Variants in CFAP44 observed in about 807,000 individuals in gnomAD.
CFAP44 encodes cilia and flagella associated protein 44.
In CFAP44, 134 loss-of-function variants were observed where a neutral mutation model predicts 216.2. The observed-to-expected ratio is 0.62, with a 90% CI of 0.54 to 0.72. The LOEUF is 0.72. Among genes scored for constraint, CFAP44 ranks in the 30% least tolerant of loss-of-function variants. CFAP44 has a pLI of 0.00. For missense variants in CFAP44, 2,035 were observed against 2,182.1 expected (o/e 0.93, Z 1.34); for synonymous variants, 700 against 727.6 (o/e 0.96, Z 0.61).
At chr3:113,393,112 CTCAGATA>C (rs1425797213) in intron 15 of CFAP44, among the ~76,000 whole-genome samples, 1 of 152,186 alleles carries the variant, frequency 6.6e-6, no homozygotes, top group Non-Finnish European at 1.5e-5. Context: ...ATACGTTATG[CTCAGATA>C]TGAGATCTGA....
Position 113,409,291 on chromosome 3 carries a change from G to A in CFAP44, c.705C>T (p.Asp235=). Residue 235 remains aspartate (D), a synonymous_variant, in exon 7 of 35, where the codon GAC becomes GAT. Transcript: ENST00000393845. The part of the protein sequence containing the change: ...DGTEKGYAYV[D]FNYSGNLLAS... ...CCAGCAAGTTACCGCTGTAGTTAAA[G>A]TCCACATAAGCATATCCCTTCTCAG... is the stretch of plus-strand genomic sequence containing the variant. 1 of 1,614,116 alleles carries A rather than the reference G, an allele frequency of 6.2e-7. No homozygotes were observed. The highest frequency in any genetic ancestry group is 2.2e-5 in the East Asian group (1 of 44,880).
At chr3:113,440,489 G>A (rs1256967785) in intron 1 of CFAP44, among the ~76,000 whole-genome samples, 3 of 151,872 alleles carry the variant, frequency 2.0e-5, no homozygotes, top group Non-Finnish European at 4.4e-5. Flanking sequence ...TGATTTCCAA[G>A]TCCTGTTACT....
chr3:113,435,015 T>G (rs1014033935), intron 1 of CFAP44: 1 of 152,214 alleles, frequency 6.6e-6, no homozygotes, highest in African/African-American at 2.4e-5. Context: ...TCTTTTGATA[T>G]GGGGGATAAC....
At chr3:113,350,028 T>C (rs1008848116) in intron 22 of CFAP44, among the ~76,000 whole-genome samples, 5 of 152,146 alleles carry the variant, frequency 3.3e-5, no homozygotes, top group East Asian at 1.9e-4. Flanking sequence ...CCATTAAATA[T>C]CACAAGGAAA....
At chr3:113,321,366 AT>A (rs1007069607) in intron 28 of CFAP44, among the ~76,000 whole-genome samples, 10 of 152,236 alleles carry the variant, frequency 6.6e-5, no homozygotes, top group African/African-American at 2.2e-4. Context: ...TTGAGGAAAC[AT>A]ACCTCAAAAT....
chr3:113,410,035 T>C (rs1402286562), intron 6 of CFAP44, among the ~76,000 whole-genome samples: 1 of 152,232 alleles, frequency 6.6e-6, no homozygotes. Context: ...ATCGACTCCT[T>C]GTTTAGCATA....
intron 15 of CFAP44, 43 bp downstream of exon 15, chr3:113,395,707 A>G: frequency 6.7e-7 from 1 of 1,497,138 alleles, no homozygotes; most frequent in Non-Finnish European, 9.2e-7. Flanking sequence ...TTCACTATGT[A>G]GTAATTGAGA....
chr3:113,368,402 C>T (rs967274171), intron 18 of CFAP44, among the ~76,000 whole-genome samples: 1 of 152,206 alleles, frequency 6.6e-6, no homozygotes, highest in Non-Finnish European at 1.5e-5. Context: ...TCGGCAGAAA[C>T]CCTACAAGCC....
At chr3:113,420,996 G>A (rs1451676193) in intron 4 of CFAP44, among the ~76,000 whole-genome samples, 1 of 152,004 alleles carries the variant, frequency 6.6e-6, no homozygotes, top group African/African-American at 2.4e-5. Flanking sequence ...AAAATAGAGT[G>A]GGACCTAACT....
At chr3:113,353,273 C>T (rs770387539) in intron 22 of CFAP44, among the ~76,000 whole-genome samples, 8 of 152,142 alleles carry the variant, frequency 5.3e-5, no homozygotes, top group Non-Finnish European at 1.2e-4. Context: ...CTAAAAGAAT[C>T]AGGCATTCTG....
intron 15 of CFAP44, among the ~76,000 whole-genome samples, chr3:113,385,156 T>C (rs1933612824): frequency 6.6e-6 from 1 of 152,204 alleles, no homozygotes; most frequent in African/African-American, 2.4e-5. Flanking sequence ...AGCTCTTCCT[T>C]TGTCTTCCAC....
chr3:113,355,715 T>C (rs1273239428), intron 22 of CFAP44, among the ~76,000 whole-genome samples: 3 of 151,930 alleles, frequency 2.0e-5, no homozygotes, highest in African/African-American at 7.3e-5. Context: ...GGCACATGTA[T>C]ACCTATGTAC....
intron 15 of CFAP44, among the ~76,000 whole-genome samples, chr3:113,394,270 A>T (rs1221927813): frequency 6.6e-6 from 1 of 152,148 alleles, no homozygotes; most frequent in Non-Finnish European, 1.5e-5. Flanking sequence ...CCATCACCAC[A>T]AAGGTCTCCT....
intron 4 of CFAP44, among the ~76,000 whole-genome samples, chr3:113,421,415 T>C (rs539334148): frequency 6.6e-6 from 1 of 152,218 alleles, no homozygotes; most frequent in Non-Finnish European, 1.5e-5. Context: ...GTTCAGCCAC[T>C]GTGGAAAGCA....
chr3:113,362,513 T>C (rs1950551048), intron 21 of CFAP44, among the ~76,000 whole-genome samples: 1 of 152,178 alleles, frequency 6.6e-6, no homozygotes, highest in African/African-American at 2.4e-5. Context: ...TGGGCAGCCA[T>C]CCCTATCCTT....
chr3:113,433,702 A>G, intron 1 of CFAP44, 33 bp from the exon 2 acceptor site: 1 of 1,501,628 alleles, frequency 6.7e-7, no homozygotes, highest in Non-Finnish European at 9.2e-7. Context: ...AGATATGGAT[A>G]AAGCTGTAAA....
In CFAP44 at chr3:113,403,889, C is replaced by T. The variant is rs769617969; in HGVS notation, c.1133G>A (p.Gly378Asp). Residue 378 changes from glycine to aspartate, a missense_variant, in exon 9 of 35, where the codon GGT becomes GAT. Around this residue, in one of 3 missense-constraint regions of CFAP44, gnomAD observed 1,883 missense variants for 2,023.7 expected, o/e 0.93. Coordinates refer to ENST00000393845, the MANE Select transcript of CFAP44 (RefSeq NM_001164496.2). ...GPINQIMLYE[G>D]EVITVGSDGY... Reference sequence around the variant, plus strand: ...ATCTGACCCAACAGTGATAACTTCACCCTCATACAGCATTATCTGGTTAAT... The same window carrying T: ...ATCTGACCCAACAGTGATAACTTCATCCTCATACAGCATTATCTGGTTAAT... The T allele has an allele frequency of 3.7e-6, 6 of 1,613,998 alleles. No individual in the cohort carries two copies. In the East Asian group the frequency reaches 1.3e-4, roughly 36 times the overall value.
At chr3:113,333,748 A>G (rs141319155) in intron 24 of CFAP44, among the ~76,000 whole-genome samples, 165 bp from the exon 25 acceptor site, 35 of 152,306 alleles carry the variant, frequency 2.3e-4, no homozygotes, top group Non-Finnish European at 4.9e-4. Flanking sequence ...TTAAAAGTCA[A>G]TTACTATTTT....
chr3:113,410,794 T>A (rs1576596604), intron 6 of CFAP44, among the ~76,000 whole-genome samples: 1 of 152,190 alleles, frequency 6.6e-6, no homozygotes, highest in Non-Finnish European at 1.5e-5. Context: ...TTTCTCCACA[T>A]CCTCTCCAGC....
Sources: gnomAD v4.1 joint callset for allele counts (sites outside exome capture counted in the v4.1 genomes callset) on GRCh38, gnomAD v4.1.1 for gene constraint, gnomAD v4.1.1 regional missense constraint, MANE v1.5 for transcripts, NCBI Gene and HGNC (gene_info 2026-07-23, HGNC 2026-07-21) for gene names.